The following NRGN variants were observed in gnomAD, a reference collection of about 807,000 sequenced individuals.
NRGN encodes calmodulin-binding protein.
For missense variants in NRGN, 82 were observed against 123.0 expected, an observed-to-expected ratio of 0.67 and a Z score of 1.58; for synonymous variants, 47 against 52.8, an observed-to-expected ratio of 0.89 and a Z score of 0.47.
chr11:124,740,028 A>C lies in NRGN; in HGVS notation c.-57A>C. On this transcript the variant is annotated 5_prime_UTR_variant, in exon 1 of 4. Transcript: ENST00000284292. This position sits in a 1 kb window ranked among gnomAD's most constrained non-coding sequence, Gnocchi z 7.5. ...AGAGCCCCCACCCGGCACCACACAG[A>C]CCCCACCCCCGCCCTGCGCCAGCCT... The C allele has an allele frequency of 1.1e-6, 1 of 872,800 alleles. No individual in the cohort carries two copies. The highest frequency in any genetic ancestry group is 1.6e-6 in the Non-Finnish European group (1 of 629,766). The allele number at this position is 872,800 out of a possible 1,614,324, so 54.1% of individuals were successfully genotyped here. A position where few individuals can be genotyped will look rare whatever the true frequency, so the allele number is the denominator to read the frequency against.
At position 124,740,322 on chromosome 11, in the gene NRGN, G is replaced by C. The variant is rs1044530961; in HGVS notation, c.15+223G>C. Among the ~76,000 whole-genome samples, 1 of 152,340 alleles carries C rather than the reference G, an allele frequency of 6.6e-6. No individual in the cohort carries two copies. Among genetic ancestry groups the C allele is most frequent in the Admixed American group, 6.5e-5 (1 of 15,310 alleles). On this transcript the variant is annotated intron_variant, in intron 1 of 3. Transcript: ENST00000284292. This position sits in a 1 kb window ranked among gnomAD's most constrained non-coding sequence, Gnocchi z 7.5. ...CCTCAACTCGCGGGGGCGTCTGAGC[G>C]CCCATCCGTTAGACAGCCTAGGCTG... is the stretch of plus-strand genomic sequence containing the variant.
In NRGN at chr11:124,740,113, C is replaced by T. The variant is rs766522232; in HGVS notation, c.15+14C>T. 5 of 1,324,186 alleles carry T rather than the reference C, an allele frequency of 3.8e-6. No homozygotes were observed. The Admixed American group carries it at 1.0e-4, about 26-fold the overall frequency. The allele number at this position is 1,324,186 out of a possible 1,614,324, so 82.0% of individuals were successfully genotyped here. On this transcript the variant is annotated intron_variant, in intron 1 of 3. Transcript: ENST00000284292. This position sits in a 1 kb window ranked among gnomAD's most constrained non-coding sequence, Gnocchi z 7.5. The stretch of plus-strand genomic sequence containing the variant: ...GACTGCTGCACCGTAAGTTAGAGGG[C>T]CCGGGGGAGGGGCACTTGGCGGGGT...
In NRGN at chr11:124,745,223, T is replaced by A. The variant is rs1943998788; in HGVS notation, c.16-280T>A. Among the ~76,000 whole-genome samples the A allele has an allele frequency of 6.6e-6, 1 of 152,058 alleles. No homozygotes were observed. Among genetic ancestry groups the A allele is most frequent in the Non-Finnish European group, 1.5e-5 (1 of 68,004 alleles). On this transcript the variant is annotated intron_variant, in intron 1 of 3. Coordinates refer to ENST00000284292, the MANE Select transcript of NRGN (RefSeq NM_006176.3). This position sits in a 1 kb window ranked among gnomAD's most constrained non-coding sequence, Gnocchi z 6.4. ...TCAGCTCTGCAGACCCCTAACTCGG[T>A]GCTGGTGATGGGCCTGGCTCTCCCG... is the stretch of plus-strand genomic sequence containing the variant.
Position 124,740,240 on chromosome 11 carries a change from G to C in NRGN, c.15+141G>C. 1.6e-6 allele frequency: 1 copy of C among 606,726 alleles called. No individual in the cohort carries two copies. Among genetic ancestry groups the C allele is most frequent in the Admixed American group, 4.3e-5 (1 of 22,996 alleles). 37.6% of individuals were successfully genotyped at this position (606,726 alleles called of 1,614,324 possible). ...AAAGAAAAGGGGTCCTTGCCGAGAC[G>C]TGGGTGGTGGATGGTGGAAGGCGCC... On this transcript the variant is annotated intron_variant, in intron 1 of 3. Transcript: ENST00000284292. The surrounding 1 kb of genome is among the most constrained non-coding windows in gnomAD (Gnocchi z 7.5).
chr11:124,746,256 T>G (rs1169192470), intron 3 of NRGN, 148 bp from the exon 4 acceptor site: 2 of 152,706 alleles, frequency 1.3e-5, no homozygotes, highest in East Asian at 1.9e-4. Flanking sequence ...GGGGCTCATT[T>G]CAGCGCTTTG....
chr11:124,744,895 C>T (rs1450582555), intron 1 of NRGN: 2 of 152,148 alleles, frequency 1.3e-5, no homozygotes, highest in Admixed American at 1.3e-4. Flanking sequence ...TTGAGTTCAT[C>T]CTTGGGCAGT....
intron 1 of NRGN, among the ~76,000 whole-genome samples, chr11:124,744,431 C>G (rs189081172): frequency 6.6e-6 from 1 of 152,204 alleles, no homozygotes; most frequent in Non-Finnish European, 1.5e-5. Flanking sequence ...GATAACTTGC[C>G]GAAGGCCACA....
intron 1 of NRGN, chr11:124,744,979 T>G (rs1943996522): frequency 6.6e-6 from 1 of 152,574 alleles, no homozygotes; most frequent in Admixed American, 6.5e-5. Context: ...GCTCACTGAC[T>G]AGTATCCCCA....
chr11:124,744,836 G>A (rs1943995544), intron 1 of NRGN: 1 of 151,920 alleles, frequency 6.6e-6, no homozygotes, highest in African/African-American at 2.4e-5. Flanking sequence ...TTCTTGGAGT[G>A]AAGCCTTTTC....
chr11:124,746,036 G>A (rs549348211), intron 3 of NRGN, 54 bp downstream of exon 3: 11 of 248,170 alleles, frequency 4.4e-5, no homozygotes, highest in African/African-American at 2.0e-4. Flanking sequence ...GGGAGAAAAG[G>A]ATCGAATCCC....
intron 1 of NRGN, among the ~76,000 whole-genome samples, chr11:124,744,000 C>G (rs140295515): frequency 6.6e-6 from 1 of 152,172 alleles, no homozygotes; most frequent in African/African-American, 2.4e-5. Context: ...CATCCTGACC[C>G]ACACTAATAC....
chr11:124,741,627 G>A (rs1943966785), intron 1 of NRGN, among the ~76,000 whole-genome samples: 1 of 151,990 alleles, frequency 6.6e-6, no homozygotes, highest in Non-Finnish European at 1.5e-5. Flanking sequence ...CTTCCTCCCA[G>A]CAGTGTTGTA....
Position 124,745,368 on chromosome 11 carries a change from C to A in NRGN, c.16-135C>A. 1 of 554,458 alleles carries A rather than the reference C, an allele frequency of 1.8e-6. No homozygotes were observed. 34.3% of individuals were successfully genotyped at this position (554,458 alleles called of 1,614,324 possible). A position where few individuals can be genotyped will look rare whatever the true frequency, so the allele number is the denominator to read the frequency against. On this transcript the variant is annotated intron_variant, in intron 1 of 3. Coordinates refer to ENST00000284292, the MANE Select transcript of NRGN (RefSeq NM_006176.3). The surrounding 1 kb of genome is among the most constrained non-coding windows in gnomAD (Gnocchi z 6.4). ...TGAGTGTCCCTGCCATAGCCCTGCT[C>A]CAGGCTCGACACCCCTCTCTGTACC...
chr11:124,744,980 A>G (rs1943996534), intron 1 of NRGN: 2 of 152,514 alleles, frequency 1.3e-5, no homozygotes, highest in Admixed American at 1.3e-4. Context: ...CTCACTGACT[A>G]GTATCCCCAT....
At position 124,746,725 on chromosome 11, in the gene NRGN, C is replaced by CT. The variant is rs1254949484; in HGVS notation, c.*346dup. 6.6e-5 allele frequency: 10 copies of CT among 152,542 alleles called. No individual in the cohort carries two copies. In the East Asian group the frequency reaches 1.9e-3, roughly 30 times the overall value. The allele number at this position is 152,542 out of a possible 1,614,324, so 9.4% of individuals were successfully genotyped here. On this transcript the variant is annotated 3_prime_UTR_variant, in exon 4 of 4. Coordinates refer to ENST00000284292, the MANE Select transcript of NRGN (RefSeq NM_006176.3). ...GCCTCCGCAGCCTCAGTGCGCTTTC[C>CT]TGCGCGCACTGCGGAGGGCGCCCTA...
rs1398884095 is a variant in NRGN, at chr11:124,745,754, C to T, written c.*5+25C>T. The stretch of plus-strand genomic sequence containing the variant: ...GGTGAGGCGGGCGGCGCGCGGCTGG[C>T]TGACAGCTGCCCTTCCCCAGCCCTC... On this transcript the variant is annotated intron_variant, in intron 2 of 3. Transcript: ENST00000284292. The surrounding 1 kb of genome is among the most constrained non-coding windows in gnomAD (Gnocchi z 6.4). 3.3e-6 allele frequency: 4 copies of T among 1,211,222 alleles called. No homozygotes were observed. In the South Asian group the frequency reaches 9.5e-5, roughly 29 times the overall value. 75.0% of individuals were successfully genotyped at this position (1,211,222 alleles called of 1,614,324 possible).
chr11:124,746,418 T>G lies in NRGN; in HGVS notation c.*38T>G, dbSNP rs912017425. The G allele has an allele frequency of 1.3e-5, 2 of 152,584 alleles. No homozygotes were observed. Among genetic ancestry groups the G allele is most frequent in the African/African-American group, 4.8e-5 (2 of 41,410 alleles). 9.5% of individuals were successfully genotyped at this position (152,584 alleles called of 1,614,324 possible). ...TCTCTCCTCAGTTCCCGAGGAGAGA[T>G]GGATGCCGCGTCCCCTTCGCAGCGA... On this transcript the variant is annotated 3_prime_UTR_variant, in exon 4 of 4. Transcript: ENST00000284292.
rs748765677 is a variant in NRGN, at chr11:124,745,477, C to T, written c.16-26C>T. Reference sequence around the variant, plus strand: ...CGCGGATCAAGACCCAGTGACCCCACAAGAACCCCCCTGCTTCGCCCCCAG... The same window carrying T: ...CGCGGATCAAGACCCAGTGACCCCATAAGAACCCCCCTGCTTCGCCCCCAG... On this transcript the variant is annotated intron_variant, in intron 1 of 3. Transcript: ENST00000284292. This position sits in a 1 kb window ranked among gnomAD's most constrained non-coding sequence, Gnocchi z 6.4. The T allele has an allele frequency of 1.3e-6, 2 of 1,535,892 alleles. No homozygotes were observed. The highest frequency in any genetic ancestry group is 2.5e-5 in the East Asian group (1 of 40,144).
In NRGN at chr11:124,745,031, T is replaced by C. The variant is rs1257096736; in HGVS notation, c.16-472T>C. ...AGCTGTGAGCTTTCTGCATTTCTACTGGGGAGAGGGCTGGCGGACTGAGGC... is the reference window on the plus strand; with the variant it reads ...AGCTGTGAGCTTTCTGCATTTCTACCGGGGAGAGGGCTGGCGGACTGAGGC... On this transcript the variant is annotated intron_variant, in intron 1 of 3. Coordinates refer to ENST00000284292, the MANE Select transcript of NRGN (RefSeq NM_006176.3). This position sits in a 1 kb window ranked among gnomAD's most constrained non-coding sequence, Gnocchi z 6.4. 3 of 154,276 alleles carry C rather than the reference T, an allele frequency of 1.9e-5. No individual in the cohort carries two copies. Among genetic ancestry groups the C allele is most frequent in the African/African-American group, 4.8e-5 (2 of 41,534 alleles). The allele number at this position is 154,276 out of a possible 1,614,324, so 9.6% of individuals were successfully genotyped here. A position where few individuals can be genotyped will look rare whatever the true frequency, so the allele number is the denominator to read the frequency against.
Sources: allele counts gnomAD v4.1 joint callset (sites outside exome capture counted in the v4.1 genomes callset), GRCh38; gene constraint gnomAD v4.1.1; non-coding constraint Gnocchi (gnomAD v3.1); transcripts MANE v1.5; gene names NCBI Gene and HGNC (gene_info 2026-07-23, HGNC 2026-07-21).